Variants in PRKD1 observed in about 807,000 individuals in gnomAD.
PRKD1 encodes the protein protein kinase D1.
A neutral mutation model predicts 95.9 loss-of-function variants in PRKD1; 63 were observed. The observed-to-expected ratio is 0.66, with a 90% confidence interval of 0.54 to 0.81. The LOEUF (loss-of-function observed/expected upper bound fraction) is 0.81. Among genes scored for constraint, PRKD1 ranks in the 30% least tolerant of loss-of-function variants. The pLI is 0.00. For synonymous variants in PRKD1, 425 were observed against 423.1 expected (o/e 1.00, Z -0.05); for missense variants, 1,048 against 1,165.3 (o/e 0.90, Z 1.47).
At chr14:29,661,692 G>T (rs1882200459) in intron 4 of PRKD1, among the ~76,000 whole-genome samples, 1 of 152,152 alleles carries the variant, frequency 6.6e-6, no homozygotes. Flanking sequence ...GAACCAGTGT[G>T]TCAAATAGTG....
intron 2 of PRKD1, among the ~76,000 whole-genome samples, chr14:29,691,635 G>A (rs1011303653): frequency 1.3e-5 from 2 of 152,082 alleles, no homozygotes; most frequent in Non-Finnish European, 2.9e-5. Context: ...TTAGGTTGGT[G>A]CAAAAGTAAT....
At chr14:29,840,406 T>C (rs1356031583) in intron 1 of PRKD1, among the ~76,000 whole-genome samples, 1 of 152,164 alleles carries the variant, frequency 6.6e-6, no homozygotes, top group African/African-American at 2.4e-5. Context: ...GTCAAAGCCA[T>C]TCAACAAGTC....
chr14:29,723,963 C>T (rs1886023189), intron 2 of PRKD1, among the ~76,000 whole-genome samples: 3 of 151,974 alleles, frequency 2.0e-5, no homozygotes, highest in Non-Finnish European at 4.4e-5. Flanking sequence ...GTAGGGCATA[C>T]GCACAATGAA....
intron 1 of PRKD1, among the ~76,000 whole-genome samples, chr14:29,745,840 G>T (rs1252178039): frequency 6.6e-6 from 1 of 152,028 alleles, no homozygotes; most frequent in Non-Finnish European, 1.5e-5. Flanking sequence ...ATCAATGGAG[G>T]GTTCAGGCTC....
chr14:29,902,103 C>T (rs1894339961), intron 1 of PRKD1, among the ~76,000 whole-genome samples: 1 of 152,000 alleles, frequency 6.6e-6, no homozygotes, highest in Admixed American at 6.6e-5. Flanking sequence ...TATGATTTAT[C>T]AATTTTCTAG....
At chr14:29,772,881 A>G (rs1358125057) in intron 1 of PRKD1, among the ~76,000 whole-genome samples, 1 of 151,940 alleles carries the variant, frequency 6.6e-6, no homozygotes, top group Non-Finnish European at 1.5e-5. Context: ...TGATAACAAG[A>G]CTCTTCTTCA....
chr14:29,717,409 G>T (rs1350240520), intron 2 of PRKD1, among the ~76,000 whole-genome samples: 2 of 152,102 alleles, frequency 1.3e-5, no homozygotes, highest in Admixed American at 1.3e-4. Flanking sequence ...TTTTACAGCA[G>T]ATGGATCAAG....
chr14:29,676,790 A>T (rs1883251110), intron 2 of PRKD1, among the ~76,000 whole-genome samples: 1 of 152,212 alleles, frequency 6.6e-6, no homozygotes. Context: ...CATGGACTGT[A>T]GAGTTAATTT....
chr14:29,742,060 G>T lies in PRKD1; in HGVS notation c.265-16386C>A, dbSNP rs557362942. On this transcript the variant is annotated intron_variant, in intron 1 of 17. Transcript: ENST00000331968. Reference sequence around the variant, plus strand: ...CCAAAGCCAAATCCCCAAGGAAGTGGTGTATTTCTTTCTTCTTTGTACTGA... The same window carrying T: ...CCAAAGCCAAATCCCCAAGGAAGTGTTGTATTTCTTTCTTCTTTGTACTGA... Among the ~76,000 whole-genome samples, 10 of 152,230 alleles carry T rather than the reference G, an allele frequency of 6.6e-5. No individual in the cohort carries two copies. The South Asian group carries it at 2.1e-3, about 32-fold the overall frequency.
At chr14:29,598,985 G>T in intron 15 of PRKD1, 42 bp downstream of exon 15, 1 of 1,502,850 alleles carries the variant, frequency 6.7e-7, no homozygotes, top group Non-Finnish European at 9.2e-7. Context: ...AGCTAGCAAT[G>T]CTTCCAACTG....
chr14:29,720,317 G>A (rs1221714387), intron 2 of PRKD1, among the ~76,000 whole-genome samples: 2 of 152,134 alleles, frequency 1.3e-5, no homozygotes, highest in Non-Finnish European at 2.9e-5. Context: ...GTGAAGAATA[G>A]ATAAAGGATA....
chr14:29,763,525 T>C (rs1257040724), intron 1 of PRKD1, among the ~76,000 whole-genome samples: 1 of 149,236 alleles, frequency 6.7e-6, no homozygotes, highest in Non-Finnish European at 1.5e-5. Flanking sequence ...AAAAGACTAG[T>C]AATAAGAAAG....
intron 2 of PRKD1, among the ~76,000 whole-genome samples, chr14:29,722,136 G>A (rs1339779605): frequency 6.6e-6 from 1 of 151,950 alleles, no homozygotes; most frequent in South Asian, 2.1e-4. Context: ...GTTCCTGCTG[G>A]TAGATTGTTA....
chr14:29,793,662 T>A (rs1280129317), intron 1 of PRKD1, among the ~76,000 whole-genome samples: 4 of 152,032 alleles, frequency 2.6e-5, no homozygotes, highest in South Asian at 2.1e-4. Context: ...GTTTTTTTTT[T>A]AAAGCTTTTA....
chr14:29,609,147 C>T (rs1878240003), intron 13 of PRKD1, among the ~76,000 whole-genome samples: 1 of 152,110 alleles, frequency 6.6e-6, no homozygotes. Flanking sequence ...TTGCTCATAC[C>T]ATCCACTGGA....
At chr14:29,624,306 A>G (rs746939516) in intron 12 of PRKD1, 48 bp from the exon 13 acceptor site, 2 of 1,338,494 alleles carry the variant, frequency 1.5e-6, no homozygotes, top group South Asian at 2.8e-5. Context: ...AATATCATCT[A>G]TCTTAAAGAA....
At chr14:29,762,442 T>G (rs1460294823) in intron 1 of PRKD1, among the ~76,000 whole-genome samples, 1 of 152,126 alleles carries the variant, frequency 6.6e-6, no homozygotes, top group African/African-American at 2.4e-5. Context: ...GTGAACCCCC[T>G]GGAATTCTCA....
At chr14:29,592,884 C>A (rs1465339281) in intron 16 of PRKD1, 1 of 152,142 alleles carries the variant, frequency 6.6e-6, no homozygotes, top group Middle Eastern at 3.2e-3. Flanking sequence ...TGTTACTACT[C>A]TAGCTCTATG....
At chr14:29,800,564 A>G (rs1889985378) in intron 1 of PRKD1, among the ~76,000 whole-genome samples, 1 of 152,200 alleles carries the variant, frequency 6.6e-6, no homozygotes, top group African/African-American at 2.4e-5. Context: ...GTGTCTTCAT[A>G]TTTGGTAAGT....
Sources: gnomAD v4.1 joint callset for allele counts (sites outside exome capture counted in the v4.1 genomes callset) on GRCh38, gnomAD v4.1.1 for gene constraint, MANE v1.5 for transcripts, NCBI Gene and HGNC (gene_info 2026-07-23, HGNC 2026-07-21) for gene names.